Variants in ASB18 observed in about 807,000 individuals in gnomAD.
The protein encoded by ASB18 is ankyrin repeat and SOCS box protein 18.
Under a neutral mutation model 33.4 loss-of-function variants are expected in ASB18, and 33 were observed. The observed-to-expected ratio is 0.99, with a 90% CI of 0.75 to 1.32. The LOEUF (loss-of-function observed/expected upper bound fraction) is 1.32. Ranked by LOEUF, ASB18 falls within the 40% of genes most tolerant of loss-of-function variation. ASB18 has a pLI of 0.00. For synonymous variants in ASB18, 295 were observed against 307.6 expected (o/e 0.96, Z 0.43); for missense variants, 694 against 655.5 (o/e 1.06, Z -0.64).
rs918127211 is a variant in ASB18, at chr2:236,235,240, G to A, written c.596+2449C>T. On this transcript the variant is annotated intron_variant, in intron 3 of 5. Transcript: ENST00000409749. This position sits in a 1 kb window ranked among gnomAD's most constrained non-coding sequence, Gnocchi z 6.2. ...GTGGTCCCATAAGATTATACTGTAC[G>A]TTTTCTATGTTTAGATACACAAATA... Among the ~76,000 whole-genome samples, 2 of 152,142 alleles carry A rather than the reference G, an allele frequency of 1.3e-5. No homozygotes were observed. Among genetic ancestry groups the A allele is most frequent in the Admixed American group, 6.5e-5 (1 of 15,278 alleles).
Position 236,225,263 on chromosome 2 carries a change from A to C in ASB18, c.597-10397T>G, listed in dbSNP as rs767156848. 2.6e-5 allele frequency among the ~76,000 whole-genome samples: 4 copies of C among 152,086 alleles called. No individual in the cohort carries two copies. The highest frequency in any genetic ancestry group is 5.9e-5 in the Non-Finnish European group (4 of 68,020). On this transcript the variant is annotated intron_variant, in intron 3 of 5. Transcript: ENST00000409749. This position sits in a 1 kb window ranked among gnomAD's most constrained non-coding sequence, Gnocchi z 5.1. ...CAGCCTCCCAAGTAGCTGAGACTACAGTTGTGTGCCACCATGCCTTGCTAA... is the reference window on the plus strand; with the variant it reads ...CAGCCTCCCAAGTAGCTGAGACTACCGTTGTGTGCCACCATGCCTTGCTAA...
chr2:236,197,169 A>G (rs1464619247), intron 4 of ASB18, among the ~76,000 whole-genome samples: 1 of 152,126 alleles, frequency 6.6e-6, no homozygotes, highest in Non-Finnish European at 1.5e-5. Context: ...ATTTCAGTGC[A>G]TCTTTTATAT....
In ASB18 at chr2:236,234,344, A is replaced by C. The variant is rs1198239286; in HGVS notation, c.596+3345T>G. Among the ~76,000 whole-genome samples, 1 of 152,214 alleles carries C rather than the reference A, an allele frequency of 6.6e-6. No homozygotes were observed. The highest frequency in any genetic ancestry group is 1.5e-5 in the Non-Finnish European group (1 of 68,040). ...GCTTCAGCCCCTTCAGAATAGAGATACAGGCTGTGAACCTCTCAGCTCTGA... is the reference window on the plus strand; with the variant it reads ...GCTTCAGCCCCTTCAGAATAGAGATCCAGGCTGTGAACCTCTCAGCTCTGA... On this transcript the variant is annotated intron_variant, in intron 3 of 5. Coordinates refer to ENST00000409749, the MANE Select transcript of ASB18 (RefSeq NM_212556.4). This position sits in a 1 kb window ranked among gnomAD's most constrained non-coding sequence, Gnocchi z 4.1.
rs1190591806 is a variant in ASB18, at chr2:236,228,763, G to GA, written c.596+8925dup. 5.3e-5 allele frequency among the ~76,000 whole-genome samples: 8 copies of GA among 150,884 alleles called. No individual in the cohort carries two copies. The highest frequency in any genetic ancestry group is 2.0e-4 in the Admixed American group (3 of 15,162). ...ACCAAAAAGAGTTGTCTCAGTAGCA[G>GA]AAAAAAAAATTAACCTTAGACTAAC... On this transcript the variant is annotated intron_variant, in intron 3 of 5. Coordinates refer to ENST00000409749, the MANE Select transcript of ASB18 (RefSeq NM_212556.4). The surrounding 1 kb of genome is among the most constrained non-coding windows in gnomAD (Gnocchi z 5.1).
At chr2:236,258,154 A>C (rs1409368000) in intron 1 of ASB18, among the ~76,000 whole-genome samples, 2 of 152,130 alleles carry the variant, frequency 1.3e-5, no homozygotes, top group Non-Finnish European at 2.9e-5. Context: ...CCTGAAACTC[A>C]CCACTGGAGG....
At chr2:236,233,289 A>G (rs1395640711) in intron 3 of ASB18, among the ~76,000 whole-genome samples, 2 of 152,164 alleles carry the variant, frequency 1.3e-5, no homozygotes, top group African/African-American at 4.8e-5. Flanking sequence ...GGAGTTCTGT[A>G]TCTCTGAAAA....
Position 236,263,992 on chromosome 2 carries a change from C to A in ASB18, c.205+149G>T. On this transcript the variant is annotated intron_variant, in intron 1 of 5. Coordinates refer to ENST00000409749, the MANE Select transcript of ASB18 (RefSeq NM_212556.4). The surrounding 1 kb of genome is among the most constrained non-coding windows in gnomAD (Gnocchi z 4.0). ...GCATGTACATGGTCTATGCAGTACA[C>A]ATATATGCATGTATGTATGAGAGTC... 1.5e-6 allele frequency: 1 copy of A among 678,112 alleles called. No homozygotes were observed. The highest frequency in any genetic ancestry group is 1.8e-5 in the South Asian group (1 of 56,532). The allele number at this position is 678,112 out of a possible 1,614,324, so 42.0% of individuals were successfully genotyped here. A position where few individuals can be genotyped will look rare whatever the true frequency, so the allele number is the denominator to read the frequency against.
intron 2 of ASB18, among the ~76,000 whole-genome samples, chr2:236,240,555 T>C (rs1479054268): frequency 1.3e-5 from 2 of 152,044 alleles, no homozygotes; most frequent in African/African-American, 2.4e-5. Context: ...TGGTGGCGGG[T>C]GGGGTGCCCA....
rs2060668525 is a variant in ASB18 at position 236,251,381 on chromosome 2, A to G, written c.206-9979T>C. ...CTGATAAAGGTGACGAAGTTTCTTT[A>G]CAACTGGCGTGGGGATTTAATTACA... On this transcript the variant is annotated intron_variant, in intron 1 of 5. Coordinates refer to ENST00000409749, the MANE Select transcript of ASB18 (RefSeq NM_212556.4). This position sits in a 1 kb window ranked among gnomAD's most constrained non-coding sequence, Gnocchi z 5.3. 6.6e-6 allele frequency among the ~76,000 whole-genome samples: 1 copy of G among 152,234 alleles called. No homozygotes were observed. The highest frequency in any genetic ancestry group is 6.5e-5 in the Admixed American group (1 of 15,284).
chr2:236,264,128 T>C lies in ASB18; in HGVS notation c.205+13A>G. 6.2e-7 allele frequency: 1 copy of C among 1,612,730 alleles called. No individual in the cohort carries two copies. Among genetic ancestry groups the C allele is most frequent in the Non-Finnish European group, 8.5e-7 (1 of 1,179,322 alleles). ...TAATTAAATCCCAGATGCAGCAGGC[T>C]CGTTCTGGTTACCTAGCAGCATGCC... On this transcript the variant is annotated intron_variant, in intron 1 of 5. Transcript: ENST00000409749. The surrounding 1 kb of genome is among the most constrained non-coding windows in gnomAD (Gnocchi z 5.1).
In ASB18 at chr2:236,214,279, G is replaced by T. The variant is rs969756234; in HGVS notation, c.1101+83C>A. 5 of 1,403,100 alleles carry T rather than the reference G, an allele frequency of 3.6e-6. No homozygotes were observed. The highest frequency in any genetic ancestry group is 2.7e-5 in the South Asian group (2 of 75,082). The allele number at this position is 1,403,100 out of a possible 1,614,324, so 86.9% of individuals were successfully genotyped here. ...GCCTGGGCCATTACACTTTGAGAGC[G>T]CCGCATGCAACCCAGCTCCCAGGCC... On this transcript the variant is annotated intron_variant, in intron 4 of 5. Coordinates refer to ENST00000409749, the MANE Select transcript of ASB18 (RefSeq NM_212556.4). The surrounding 1 kb of genome is among the most constrained non-coding windows in gnomAD (Gnocchi z 6.5).
chr2:236,210,226 T>C (rs911111184), intron 4 of ASB18: 2 of 152,234 alleles, frequency 1.3e-5, no homozygotes, highest in African/African-American at 4.8e-5. Flanking sequence ...GTTGAATGAA[T>C]ACATAAGTAC....
In ASB18 at chr2:236,214,821, C is replaced by T. The variant is rs540112321; in HGVS notation, c.642G>A (p.Val214=). Residue 214 remains valine, a synonymous_variant, in exon 4 of 6, where the codon GTG becomes GTA. Coordinates refer to ENST00000409749, the MANE Select transcript of ASB18 (RefSeq NM_212556.4). The surrounding 1 kb of genome is among the most constrained non-coding windows in gnomAD (Gnocchi z 6.5). ...GCGGCGTGTCCCGGCCCGTGCCGCC[C>T]ACGCGCTGCACCGAGGCCCCGTGCT... ...LLEHGASVQR[V]GGTGRDTPLH... 3 of 1,213,196 alleles carry T rather than the reference C, an allele frequency of 2.5e-6. No homozygotes were observed. The African/African-American group carries it at 4.7e-5, about 19-fold the overall frequency. The allele number at this position is 1,213,196 out of a possible 1,614,324, so 75.2% of individuals were successfully genotyped here. A position where few individuals can be genotyped will look rare whatever the true frequency, so the allele number is the denominator to read the frequency against.
At position 236,238,658 on chromosome 2, in the gene ASB18, G is replaced by A. The variant is rs2060607898; in HGVS notation, c.329-702C>T. On this transcript the variant is annotated intron_variant, in intron 2 of 5. Transcript: ENST00000409749. The surrounding 1 kb of genome is among the most constrained non-coding windows in gnomAD (Gnocchi z 5.2). ...GGTTGCTCTTTCTTGAGGGATGAAT[G>A]GAGCAGGTGCTATACATTTTTACTT... Among the ~76,000 whole-genome samples, 1 of 150,756 alleles carries A rather than the reference G, an allele frequency of 6.6e-6. No homozygotes were observed. Among genetic ancestry groups the A allele is most frequent in the Non-Finnish European group, 1.5e-5 (1 of 67,976 alleles).
At chr2:236,236,750 T>A (rs1372844781) in intron 3 of ASB18, among the ~76,000 whole-genome samples, 5 of 151,240 alleles carry the variant, frequency 3.3e-5, no homozygotes, top group Non-Finnish European at 7.4e-5. Flanking sequence ...ACTTTGACAG[T>A]CGGTGGAGAA....
rs10187226 is a variant in ASB18 at position 236,215,789 on chromosome 2, C to T, written c.597-923G>A. ...TTCATGGACACGGAAAAACACAAGCCCACCCCCAACTTCAGCCACCTGCTC... is the reference window on the plus strand; with the variant it reads ...TTCATGGACACGGAAAAACACAAGCTCACCCCCAACTTCAGCCACCTGCTC... On this transcript the variant is annotated intron_variant, in intron 3 of 5. Transcript: ENST00000409749. The surrounding 1 kb of genome is among the most constrained non-coding windows in gnomAD (Gnocchi z 7.2). Among the ~76,000 whole-genome samples the T allele has an allele frequency of 0.085, 12,864 of 152,096 alleles. 1,872 individuals are homozygous for T. The highest frequency in any genetic ancestry group is 0.29 in the African/African-American group (12,088 of 41,406).
At chr2:236,261,192 G>T (rs1468657780) in intron 1 of ASB18, among the ~76,000 whole-genome samples, 1 of 152,156 alleles carries the variant, frequency 6.6e-6, no homozygotes, top group Non-Finnish European at 1.5e-5. Context: ...GGAAATTAAG[G>T]TTCAAAGAGG....
At position 236,211,025 on chromosome 2, in the gene ASB18, G is replaced by A. The variant is rs1377446; in HGVS notation, c.1101+3337C>T. Among the ~76,000 whole-genome samples, 26,235 of 152,218 alleles carry A rather than the reference G, an allele frequency of 0.17. 2,279 individuals carry two copies. The highest frequency in any genetic ancestry group is 0.25 in the South Asian group (1,203 of 4,828). On this transcript the variant is annotated intron_variant, in intron 4 of 5. Transcript: ENST00000409749. The surrounding 1 kb of genome is among the most constrained non-coding windows in gnomAD (Gnocchi z 5.0). ...CATGGGACTTCATGACTGTTTCACAGATTCGTATTCCAGGTAAGGAGAGGC... is the reference window on the plus strand; with the variant it reads ...CATGGGACTTCATGACTGTTTCACAAATTCGTATTCCAGGTAAGGAGAGGC...
chr2:236,214,775 C>T lies in ASB18; in HGVS notation c.688G>A (p.Gly230Ser), dbSNP rs1004290536. ...TACAGGCGCGCGTGCTCGTCCAGGC[C>T]GCGCTGCGCCGCCACGTGCAGCGGC... ...DTPLHVAAQR[G>S]LDEHARLYLG... The change falls in exon 4 of 6, where the codon GGC becomes AGC. Residue 230 changes from glycine to serine, a missense_variant. By Grantham distance (56) the Gly-to-Ser change is moderately conservative (BLOSUM62 0). Coordinates refer to ENST00000409749, the MANE Select transcript of ASB18 (RefSeq NM_212556.4). The surrounding 1 kb of genome is among the most constrained non-coding windows in gnomAD (Gnocchi z 6.5). The T allele has an allele frequency of 4.2e-6, 5 of 1,193,756 alleles. No individual in the cohort carries two copies. Among genetic ancestry groups the T allele is most frequent in the Non-Finnish European group, 5.2e-6 (5 of 963,350 alleles). The allele number at this position is 1,193,756 out of a possible 1,614,324, so 73.9% of individuals were successfully genotyped here. A position where few individuals can be genotyped will look rare whatever the true frequency, so the allele number is the denominator to read the frequency against.
Sources: allele counts gnomAD v4.1 joint callset (sites outside exome capture counted in the v4.1 genomes callset), GRCh38; gene constraint gnomAD v4.1.1; non-coding constraint Gnocchi (gnomAD v3.1); transcripts MANE v1.5; gene names NCBI Gene and HGNC (gene_info 2026-07-23, HGNC 2026-07-21).